The following AKAP5 variants were observed in gnomAD, a reference collection of about 807,000 sequenced individuals.
AKAP5 encodes A-kinase anchoring protein 5.
AKAP5 carries 5 observed loss-of-function variants against 13.8 expected under a neutral mutation model. The observed-to-expected ratio is 0.36, with a 90% CI of 0.19 to 0.76. The LOEUF (loss-of-function observed/expected upper bound fraction) is 0.76, where lower values mean the gene tolerates loss of function less well. Among genes scored for constraint, AKAP5 ranks in the 30% least tolerant of loss-of-function variants. AKAP5 has a pLI of 0.51. For synonymous variants in AKAP5, 148 were observed against 167.2 expected (o/e 0.89, Z 0.89); for missense variants, 406 against 484.4 (o/e 0.84, Z 1.52).
rs756609096 is a variant in AKAP5, at chr14:64,469,705, AAAC to A, written c.*30_*32del. The A allele has an allele frequency of 4.8e-6, 7 of 1,468,758 alleles. No individual in the cohort carries two copies. The South Asian group carries it at 8.3e-5, about 17-fold the overall frequency. 91.0% of individuals were successfully genotyped at this position (1,468,758 alleles called of 1,614,324 possible). On this transcript the variant is annotated 3_prime_UTR_variant, in exon 2 of 2. Transcript: ENST00000394718. ...TTACTCTCCAGAGTCACGGCAGAAA[AAAC>A]AAGCTTAATGAAGAATTCTTTTATA...
rs373543681 is a variant in AKAP5, at chr14:64,469,290, T to A, written c.896T>A (p.Ile299Asn). 2 of 1,613,238 alleles carry A rather than the reference T, an allele frequency of 1.2e-6. No homozygotes were observed. The highest frequency in any genetic ancestry group is 2.2e-5 in the South Asian group (2 of 90,860). Residue 299 changes from isoleucine (I) to asparagine (N), a missense_variant, in exon 2 of 2, where the codon ATT (isoleucine) becomes AAT (asparagine). By Grantham distance (149) the Ile-to-Asn change is moderately radical. Coordinates refer to ENST00000394718, the MANE Select transcript of AKAP5 (RefSeq NM_004857.3). Reference protein sequence around the residue: ...PNGKDYESTEIVAEETKPKDT... With the variant: ...PNGKDYESTENVAEETKPKDT... Reference sequence around the variant, plus strand: ...GGAAAAGACTATGAAAGTACAGAGATTGTAGCTGAAGAAACTAAGCCAAAA... The same window carrying A: ...GGAAAAGACTATGAAAGTACAGAGAATGTAGCTGAAGAAACTAAGCCAAAA...
In AKAP5 at chr14:64,472,582, T is replaced by C. The variant is rs889281337; in HGVS notation, c.*2904T>C. The C allele has an allele frequency of 6.0e-6, 1 of 166,988 alleles. No individual in the cohort carries two copies. The highest frequency in any genetic ancestry group is 2.4e-5 in the African/African-American group (1 of 41,458). 10.3% of individuals were successfully genotyped at this position (166,988 alleles called of 1,614,324 possible). The stretch of plus-strand genomic sequence containing the variant: ...TTTACTTGCATTCATTCTTAAGAGG[T>C]TTCTGTTTTTCTATTGAGAATATCT... On this transcript the variant is annotated 3_prime_UTR_variant, in exon 2 of 2. Transcript: ENST00000394718.
intron 1 of AKAP5, chr14:64,467,121 A>C (rs2078620309): frequency 6.6e-6 from 1 of 152,220 alleles, no homozygotes; most frequent in Admixed American, 6.5e-5. Context: ...TTTACTAATG[A>C]AACACTGCAG....
In AKAP5 at chr14:64,469,756, G is replaced by C; in HGVS notation, c.*78G>C. The C allele has an allele frequency of 9.5e-7, 1 of 1,053,498 alleles. No individual in the cohort carries two copies. The highest frequency in any genetic ancestry group is 1.4e-6 in the Non-Finnish European group (1 of 730,796). The allele number at this position is 1,053,498 out of a possible 1,614,324, so 65.3% of individuals were successfully genotyped here. ...ATACATTTGTGGCATTTCTTACTCAGTAACAAATGAGAGATTTATCATCTC... is the reference window on the plus strand; with the variant it reads ...ATACATTTGTGGCATTTCTTACTCACTAACAAATGAGAGATTTATCATCTC... On this transcript the variant is annotated 3_prime_UTR_variant, in exon 2 of 2. Transcript: ENST00000394718.
chr14:64,469,602 C>T lies in AKAP5; in HGVS notation c.1208C>T (p.Ala403Val). 1.2e-6 allele frequency: 2 copies of T among 1,613,008 alleles called. No individual in the cohort carries two copies. Among genetic ancestry groups the T allele is most frequent in the Non-Finnish European group, 1.7e-6 (2 of 1,179,642 alleles). Residue 403 changes from alanine (A) to valine (V), a missense_variant, in exon 2 of 2, where the codon GCT (alanine) becomes GTT (valine). Transcript: ENST00000394718. Reference sequence around the variant, plus strand: ...ACAGCCTCTTCTCTAGTCAAGAATGCTATTCAGTTGTCAATAGAACAGCTG... The same window carrying T: ...ACAGCCTCTTCTCTAGTCAAGAATGTTATTCAGTTGTCAATAGAACAGCTG... ...IETASSLVKNAIQLSIEQLVN... is the reference protein window; with the variant it reads ...IETASSLVKNVIQLSIEQLVN...
At position 64,473,027 on chromosome 14, in the gene AKAP5, T is replaced by G. The variant is rs1389644847; in HGVS notation, c.*3349T>G. The G allele has an allele frequency of 1.2e-5, 2 of 167,028 alleles. No individual in the cohort carries two copies. Among genetic ancestry groups the G allele is most frequent in the Admixed American group, 6.5e-5 (1 of 15,268 alleles). The allele number at this position is 167,028 out of a possible 1,614,324, so 10.3% of individuals were successfully genotyped here. A position where few individuals can be genotyped will look rare whatever the true frequency, so the allele number is the denominator to read the frequency against. Reference sequence around the variant, plus strand: ...CAAAGCTGGGGGTTGGGGAGGGGGATTATTAGCTACTTGTTAACTTTTTCA... The same window carrying G: ...CAAAGCTGGGGGTTGGGGAGGGGGAGTATTAGCTACTTGTTAACTTTTTCA... On this transcript the variant is annotated 3_prime_UTR_variant, in exon 2 of 2. Transcript: ENST00000394718.
chr14:64,467,217 T>G (rs2078620998), intron 1 of AKAP5: 1 of 152,240 alleles, frequency 6.6e-6, no homozygotes, highest in Non-Finnish European at 1.5e-5. Flanking sequence ...AGCAATCTTG[T>G]GTTAATCTGA....
At chr14:64,465,678 A>G (rs1350972027) in intron 1 of AKAP5, 65 bp downstream of exon 1, 1 of 151,930 alleles carries the variant, frequency 6.6e-6, no homozygotes, top group Admixed American at 6.5e-5. Context: ...CGGTCCGCGG[A>G]CCGCGGAGTG....
Position 64,471,225 on chromosome 14 carries a change from T to C in AKAP5, c.*1547T>C, listed in dbSNP as rs2078667287. ...TGGAGTGCAGTGGCGCGATCTTGGC[T>C]CACTGCAAGCTCCACCTCCTGGGTT... is the stretch of plus-strand genomic sequence containing the variant. On this transcript the variant is annotated 3_prime_UTR_variant, in exon 2 of 2. Transcript: ENST00000394718. The C allele has an allele frequency of 6.4e-6, 1 of 155,716 alleles. No individual in the cohort carries two copies. The highest frequency in any genetic ancestry group is 2.4e-5 in the African/African-American group (1 of 40,982). 9.6% of individuals were successfully genotyped at this position (155,716 alleles called of 1,614,324 possible). A position where few individuals can be genotyped will look rare whatever the true frequency, so the allele number is the denominator to read the frequency against.
Position 64,474,391 on chromosome 14 carries a change from A to G in AKAP5, c.*4713A>G, listed in dbSNP as rs1337410663. On this transcript the variant is annotated 3_prime_UTR_variant, in exon 2 of 2. Transcript: ENST00000394718. ...ATTTTTTCTCATTAAAATTAGTACT[A>G]AATTACTATGGATCAGATGATAATA... The G allele has an allele frequency of 6.0e-6, 1 of 167,084 alleles. No homozygotes were observed. Among genetic ancestry groups the G allele is most frequent in the African/African-American group, 2.4e-5 (1 of 41,468 alleles). The allele number at this position is 167,084 out of a possible 1,614,324, so 10.4% of individuals were successfully genotyped here. A position where few individuals can be genotyped will look rare whatever the true frequency, so the allele number is the denominator to read the frequency against.
In AKAP5 at chr14:64,469,809, C is replaced by T. The variant is rs2078649124; in HGVS notation, c.*131C>T. 1 of 670,318 alleles carries T rather than the reference C, an allele frequency of 1.5e-6. No individual in the cohort carries two copies. The highest frequency in any genetic ancestry group is 1.9e-5 in the African/African-American group (1 of 53,658). 41.5% of individuals were successfully genotyped at this position (670,318 alleles called of 1,614,324 possible). A position where few individuals can be genotyped will look rare whatever the true frequency, so the allele number is the denominator to read the frequency against. ...GAACTTAAAAGGTACAATTCCAGCG[C>T]AGAAGTGCTAAAGATTAAGTCAAGT... On this transcript the variant is annotated 3_prime_UTR_variant, in exon 2 of 2. Coordinates refer to ENST00000394718, the MANE Select transcript of AKAP5 (RefSeq NM_004857.3).
chr14:64,467,744 G>A (rs2078626060), intron 1 of AKAP5: 1 of 151,980 alleles, frequency 6.6e-6, no homozygotes, highest in Non-Finnish European at 1.5e-5. Context: ...AAAGTCCTTT[G>A]CAGCTTTAAA....
chr14:64,469,873 T>C lies in AKAP5; in HGVS notation c.*195T>C, dbSNP rs570778073. 1 of 515,534 alleles carries C rather than the reference T, an allele frequency of 1.9e-6. No individual in the cohort carries two copies. The highest frequency in any genetic ancestry group is 3.5e-6 in the Non-Finnish European group (1 of 288,962). The allele number at this position is 515,534 out of a possible 1,614,324, so 31.9% of individuals were successfully genotyped here. A position where few individuals can be genotyped will look rare whatever the true frequency, so the allele number is the denominator to read the frequency against. ...CCACTGAAATGCAGTCACTTCTGGA[T>C]TGGAGGAAGTCAGCACAGATTGCAG... On this transcript the variant is annotated 3_prime_UTR_variant, in exon 2 of 2. Coordinates refer to ENST00000394718, the MANE Select transcript of AKAP5 (RefSeq NM_004857.3).
intron 1 of AKAP5, chr14:64,467,098 A>G (rs1214180251): frequency 6.6e-6 from 1 of 152,206 alleles, no homozygotes; most frequent in South Asian, 2.1e-4. Context: ...CCATTAATCA[A>G]TTTTTTAATT....
Position 64,473,801 on chromosome 14 carries a change from A to T in AKAP5, c.*4123A>T, listed in dbSNP as rs896720622. On this transcript the variant is annotated 3_prime_UTR_variant, in exon 2 of 2. Coordinates refer to ENST00000394718, the MANE Select transcript of AKAP5 (RefSeq NM_004857.3). ...ATTTAAAAAAAAATCCTCATTTAAG[A>T]TTTAGAGTTCTTTAGGTTCAAATTC... 2 of 166,978 alleles carry T rather than the reference A, an allele frequency of 1.2e-5. No individual in the cohort carries two copies. Among genetic ancestry groups the T allele is most frequent in the African/African-American group, 4.8e-5 (2 of 41,458 alleles). 10.3% of individuals were successfully genotyped at this position (166,978 alleles called of 1,614,324 possible).
At position 64,473,683 on chromosome 14, in the gene AKAP5, C is replaced by A. The variant is rs1341892401; in HGVS notation, c.*4005C>A. ...TAGAATCCCACTGTTTGAAAAGATC[C>A]TTTTAATGTCAACTTTATTGAAATA... On this transcript the variant is annotated 3_prime_UTR_variant, in exon 2 of 2. Coordinates refer to ENST00000394718, the MANE Select transcript of AKAP5 (RefSeq NM_004857.3). The A allele has an allele frequency of 1.8e-5, 3 of 166,810 alleles. No homozygotes were observed. The highest frequency in any genetic ancestry group is 4.4e-5 in the Non-Finnish European group (3 of 68,084). The allele number at this position is 166,810 out of a possible 1,614,324, so 10.3% of individuals were successfully genotyped here. A position where few individuals can be genotyped will look rare whatever the true frequency, so the allele number is the denominator to read the frequency against.
chr14:64,469,743 C>A lies in AKAP5; in HGVS notation c.*65C>A. ...GAAGAATTCTTTTATACATTTGTGG[C>A]ATTTCTTACTCAGTAACAAATGAGA... On this transcript the variant is annotated 3_prime_UTR_variant, in exon 2 of 2. Coordinates refer to ENST00000394718, the MANE Select transcript of AKAP5 (RefSeq NM_004857.3). 1 of 1,185,282 alleles carries A rather than the reference C, an allele frequency of 8.4e-7. No individual in the cohort carries two copies. Among genetic ancestry groups the A allele is most frequent in the Non-Finnish European group, 1.2e-6 (1 of 846,630 alleles). 73.4% of individuals were successfully genotyped at this position (1,185,282 alleles called of 1,614,324 possible). A position where few individuals can be genotyped will look rare whatever the true frequency, so the allele number is the denominator to read the frequency against.
At chr14:64,467,365 C>A (rs1245732678) in intron 1 of AKAP5, 2 of 152,178 alleles carry the variant, frequency 1.3e-5, no homozygotes, top group African/African-American at 4.8e-5. Flanking sequence ...AAGAATTGCT[C>A]AATAAATGTC....
chr14:64,473,341 T>G lies in AKAP5; in HGVS notation c.*3663T>G, dbSNP rs1393241857. ...AGAAAAGCTGTCTGCATAATTTTCCTTCAAGGTAATGTATTTGACAGCATG... is the reference window on the plus strand; with the variant it reads ...AGAAAAGCTGTCTGCATAATTTTCCGTCAAGGTAATGTATTTGACAGCATG... On this transcript the variant is annotated 3_prime_UTR_variant, in exon 2 of 2. Transcript: ENST00000394718. 6.0e-6 allele frequency: 1 copy of G among 167,104 alleles called. No individual in the cohort carries two copies. Among genetic ancestry groups the G allele is most frequent in the Non-Finnish European group, 1.5e-5 (1 of 68,124 alleles). 10.4% of individuals were successfully genotyped at this position (167,104 alleles called of 1,614,324 possible).
Sources: gnomAD v4.1 joint callset for allele counts on GRCh38, gnomAD v4.1.1 for gene constraint, MANE v1.5 for transcripts, NCBI Gene and HGNC (gene_info 2026-07-23, HGNC 2026-07-21) for gene names.